Variants in DIRAS2 observed in about 807,000 individuals in gnomAD.
DIRAS2 encodes DIRAS family GTPase 2.
A neutral mutation model predicts 13.9 loss-of-function variants in DIRAS2; 5 were observed. The observed-to-expected ratio is 0.36, with a 90% CI of 0.19 to 0.76. The LOEUF (loss-of-function observed/expected upper bound fraction) is 0.76, where lower values mean the gene tolerates loss of function less well. Ranked by LOEUF, DIRAS2 falls within the 30% of genes least tolerant of loss-of-function variation. The probability of loss-of-function intolerance (pLI) is 0.53; values close to 1 mark genes in which losing one functional copy is unlikely to be tolerated. For synonymous variants in DIRAS2, 111 were observed against 105.4 expected (o/e 1.05, Z -0.33); for missense variants, 191 against 263.0 (o/e 0.73, Z 1.89).
chr9:90,621,747 T>C (rs1326925111), intron 1 of DIRAS2, among the ~76,000 whole-genome samples: 9 of 152,224 alleles, frequency 5.9e-5, no homozygotes, highest in Non-Finnish European at 1.2e-4. Flanking sequence ...CAGGCACTTA[T>C]TGTTTGAATA....
In DIRAS2 at chr9:90,613,207, C is replaced by A; in HGVS notation, c.*21G>T. On this transcript the variant is annotated 3_prime_UTR_variant, in exon 2 of 2. Coordinates refer to ENST00000375765, the MANE Select transcript of DIRAS2 (RefSeq NM_017594.5). This position sits in a 1 kb window ranked among gnomAD's most constrained non-coding sequence, Gnocchi z 5.6. ...GTGAGGTGCCGGGGACACACAGCTGCTCCTCCCGCAGGAAGGGCCTTCACA... is the reference window on the plus strand; with the variant it reads ...GTGAGGTGCCGGGGACACACAGCTGATCCTCCCGCAGGAAGGGCCTTCACA... 1 of 1,595,826 alleles carries A rather than the reference C, an allele frequency of 6.3e-7. No individual in the cohort carries two copies. The highest frequency in any genetic ancestry group is 8.5e-7 in the Non-Finnish European group (1 of 1,170,188).
intron 1 of DIRAS2, among the ~76,000 whole-genome samples, chr9:90,638,772 T>C (rs536413014): frequency 6.6e-6 from 1 of 151,946 alleles, no homozygotes; most frequent in Non-Finnish European, 1.5e-5. Context: ...GAGAGCTGAG[T>C]GGACTCCACC....
At chr9:90,623,156 GTC>G (rs1341223287) in intron 1 of DIRAS2, among the ~76,000 whole-genome samples, 1 of 152,090 alleles carries the variant, frequency 6.6e-6, no homozygotes, top group Non-Finnish European at 1.5e-5. Flanking sequence ...AGCTCTCTGT[GTC>G]TCTGTTTGCT....
At chr9:90,614,764 G>T (rs1182218412) in intron 1 of DIRAS2, among the ~76,000 whole-genome samples, 1 of 152,152 alleles carries the variant, frequency 6.6e-6, no homozygotes, top group African/African-American at 2.4e-5. Flanking sequence ...TAAGGAATCA[G>T]GTATTACCAG....
chr9:90,614,171 G>A (rs1294481440), intron 1 of DIRAS2, among the ~76,000 whole-genome samples: 2 of 152,066 alleles, frequency 1.3e-5, no homozygotes, highest in African/African-American at 4.8e-5. Context: ...CCAAGGAAAG[G>A]CAATGAGAAG....
Position 90,613,923 on chromosome 9 carries a change from G to A in DIRAS2, c.-36-60C>T. 2.1e-6 allele frequency: 3 copies of A among 1,423,222 alleles called. No homozygotes were observed. Among genetic ancestry groups the A allele is most frequent in the South Asian group, 2.9e-5 (2 of 68,964 alleles). The allele number at this position is 1,423,222 out of a possible 1,614,324, so 88.2% of individuals were successfully genotyped here. A position where few individuals can be genotyped will look rare whatever the true frequency, so the allele number is the denominator to read the frequency against. ...AATTAAAATATAAAAACATTAATAAGGATAGCTCTACCCTCTTTTGATAGC... is the reference window on the plus strand; with the variant it reads ...AATTAAAATATAAAAACATTAATAAAGATAGCTCTACCCTCTTTTGATAGC... On this transcript the variant is annotated intron_variant, in intron 1 of 1. Coordinates refer to ENST00000375765, the MANE Select transcript of DIRAS2 (RefSeq NM_017594.5). The surrounding 1 kb of genome is among the most constrained non-coding windows in gnomAD (Gnocchi z 5.6).
intron 1 of DIRAS2, among the ~76,000 whole-genome samples, chr9:90,627,062 A>G (rs895217155): frequency 1.3e-5 from 2 of 151,962 alleles, no homozygotes; most frequent in African/African-American, 4.8e-5. Context: ...TTCTCGCGAG[A>G]TCTGGTCATT....
intron 1 of DIRAS2, among the ~76,000 whole-genome samples, chr9:90,624,885 C>T (rs1264878706): frequency 6.6e-6 from 1 of 152,086 alleles, no homozygotes; most frequent in Non-Finnish European, 1.5e-5. Flanking sequence ...CCTCAGCCTC[C>T]CGACGTGTTG....
At chr9:90,632,814 C>T (rs1054900078) in intron 1 of DIRAS2, among the ~76,000 whole-genome samples, 1 of 152,230 alleles carries the variant, frequency 6.6e-6, no homozygotes, top group African/African-American at 2.4e-5. Context: ...AGATCTCTGG[C>T]TTCACCTCTA....
At chr9:90,629,528 GA>G (rs558290190) in intron 1 of DIRAS2, among the ~76,000 whole-genome samples, 70 of 143,696 alleles carry the variant, frequency 4.9e-4, no homozygotes, top group East Asian at 1.2e-3. Flanking sequence ...AAGACATATA[GA>G]AAAAAAAAAA....
intron 1 of DIRAS2, among the ~76,000 whole-genome samples, chr9:90,628,233 G>A (rs1825290290): frequency 6.6e-6 from 1 of 152,172 alleles, no homozygotes; most frequent in African/African-American, 2.4e-5. Context: ...CCCACACAGT[G>A]CCACTGGCCC....
chr9:90,619,555 C>T (rs897677744), intron 1 of DIRAS2, among the ~76,000 whole-genome samples: 3 of 152,168 alleles, frequency 2.0e-5, no homozygotes, highest in African/African-American at 7.2e-5. Flanking sequence ...GTTGACAAGG[C>T]TGTAGGAGCA....
At position 90,612,982 on chromosome 9, in the gene DIRAS2, C is replaced by G. The variant is rs764327941; in HGVS notation, c.*246G>C. 1.4e-4 allele frequency: 73 copies of G among 527,396 alleles called. No individual in the cohort carries two copies. The highest frequency in any genetic ancestry group is 2.3e-4 in the Non-Finnish European group (69 of 300,162). The allele number at this position is 527,396 out of a possible 1,614,324, so 32.7% of individuals were successfully genotyped here. ...CCACCTTCAGCAATTGCTGGCACCT[C>G]TCAGTTCCCAGGGATGCTGAGTGTG... On this transcript the variant is annotated 3_prime_UTR_variant, in exon 2 of 2. Coordinates refer to ENST00000375765, the MANE Select transcript of DIRAS2 (RefSeq NM_017594.5).
chr9:90,636,024 A>ATTTTT (rs1313587233), intron 1 of DIRAS2, among the ~76,000 whole-genome samples: 27 of 89,488 alleles, frequency 3.0e-4, no homozygotes, highest in East Asian at 4.6e-4. Context: ...ACAACTGAAT[A>ATTTTT]TTCTTTTTTT....
chr9:90,619,840 C>G (rs1436948150), intron 1 of DIRAS2, among the ~76,000 whole-genome samples: 1 of 152,150 alleles, frequency 6.6e-6, no homozygotes. Context: ...GCAATCTACC[C>G]ATTTCATGAA....
intron 1 of DIRAS2, among the ~76,000 whole-genome samples, chr9:90,619,581 AT>A (rs1312657489): frequency 6.6e-6 from 1 of 152,226 alleles, no homozygotes; most frequent in East Asian, 1.9e-4. Context: ...ACCTTTGTGC[AT>A]TGTGCATTGC....
intron 1 of DIRAS2, among the ~76,000 whole-genome samples, chr9:90,638,796 G>A (rs568452356): frequency 2.0e-5 from 3 of 152,152 alleles, no homozygotes; most frequent in African/African-American, 7.2e-5. Context: ...ATTTGCCCTC[G>A]ATGAAGAAAC....
At position 90,610,955 on chromosome 9, in the gene DIRAS2, G is replaced by A. The variant is rs1273016005; in HGVS notation, c.*2273C>T. 6.6e-6 allele frequency: 1 copy of A among 152,228 alleles called. No individual in the cohort carries two copies. Among genetic ancestry groups the A allele is most frequent in the East Asian group, 1.9e-4 (1 of 5,192 alleles). The allele number at this position is 152,228 out of a possible 1,614,324, so 9.4% of individuals were successfully genotyped here. On this transcript the variant is annotated 3_prime_UTR_variant, in exon 2 of 2. Coordinates refer to ENST00000375765, the MANE Select transcript of DIRAS2 (RefSeq NM_017594.5). Reference sequence around the variant, plus strand: ...TCTGACTTACAATCAGTAGAAATGGGATGGTTTGCAGGAATATCTCACATT... The same window carrying A: ...TCTGACTTACAATCAGTAGAAATGGAATGGTTTGCAGGAATATCTCACATT...
Position 90,613,586 on chromosome 9 carries a change from G to C in DIRAS2, c.242C>G (p.Ala81Gly), listed in dbSNP as rs1229692314. ...GGTAATGGAGTACACCAGGATGAAG[G>C]CGTGCCCTTTGGAGATGGACAGCCG... ...MQRLSISKGH[A>G]FILVYSITSR... The change falls in exon 2 of 2, where the codon GCC (alanine) becomes GGC (glycine). Residue 81 changes from alanine (A) to glycine (G), a missense_variant. By Grantham distance (60) the Ala-to-Gly change is moderately conservative (BLOSUM62 0). Transcript: ENST00000375765. This position sits in a 1 kb window ranked among gnomAD's most constrained non-coding sequence, Gnocchi z 5.6. 6.2e-7 allele frequency: 1 copy of C among 1,614,066 alleles called. No homozygotes were observed. Among genetic ancestry groups the C allele is most frequent in the African/African-American group, 1.3e-5 (1 of 74,934 alleles).
Sources: gnomAD v4.1 joint callset for allele counts (sites outside exome capture counted in the v4.1 genomes callset) on GRCh38, gnomAD v4.1.1 for gene constraint, Gnocchi (gnomAD v3.1) non-coding constraint, MANE v1.5 for transcripts, NCBI Gene and HGNC (gene_info 2026-07-23, HGNC 2026-07-21) for gene names.